The following KANSL1L variants were observed in gnomAD, a reference collection of about 807,000 sequenced individuals.
The protein encoded by KANSL1L is KAT8 regulatory NSL complex subunit 1-like protein.
KANSL1L carries 25 observed loss-of-function variants against 108.6 expected under a neutral mutation model. That is an observed-to-expected ratio of 0.23 (90% CI 0.17 to 0.32). The LOEUF (loss-of-function observed/expected upper bound fraction) is 0.32, where lower values mean the gene tolerates loss of function less well. Ranked by LOEUF, KANSL1L falls within the 10% of genes least tolerant of loss-of-function variation. The pLI is 1.00. For synonymous variants in KANSL1L, 405 were observed against 395.1 expected (o/e 1.03, Z -0.30); for missense variants, 1,137 against 1,125.7 (o/e 1.01, Z -0.14).
rs1376085762 is a variant in KANSL1L, at chr2:210,022,307, C to A, written c.*642G>T. ...CTTCTGTTGGTTAAACATGTTAAAA[C>A]AACAACAACAACAACAAAAAACTTC... On this transcript the variant is annotated 3_prime_UTR_variant, in exon 15 of 15. Transcript: ENST00000281772. 1 of 151,922 alleles carries A rather than the reference C, an allele frequency of 6.6e-6. No homozygotes were observed. The highest frequency in any genetic ancestry group is 2.4e-5 in the African/African-American group (1 of 41,282). The allele number at this position is 151,922 out of a possible 1,614,324, so 9.4% of individuals were successfully genotyped here. A position where few individuals can be genotyped will look rare whatever the true frequency, so the allele number is the denominator to read the frequency against.
chr2:210,154,422 G>C lies in KANSL1L; in HGVS notation c.161C>G (p.Pro54Arg). ...TFSQMLGFPTPEPTLNTNFVN... is the reference protein window; with the variant it reads ...TFSQMLGFPTREPTLNTNFVN... ...AAAATTAGTATTAAGAGTAGGTTCA[G>C]GAGTTGGAAATCCAAGCATCTGAGA... The change falls in exon 2 of 15, where the codon CCT (proline) becomes CGT (arginine). Residue 54 changes from proline to arginine, a missense_variant. Pro to Arg is a moderately radical substitution (Grantham distance 103). Coordinates refer to ENST00000281772, the MANE Select transcript of KANSL1L (RefSeq NM_152519.4). 6.2e-7 allele frequency: 1 copy of C among 1,613,300 alleles called. No individual in the cohort carries two copies. Among genetic ancestry groups the C allele is most frequent in the Non-Finnish European group, 8.5e-7 (1 of 1,179,606 alleles).
chr2:210,108,821 T>A (rs2094876571), intron 3 of KANSL1L, among the ~76,000 whole-genome samples: 1 of 152,172 alleles, frequency 6.6e-6, no homozygotes, highest in Non-Finnish European at 1.5e-5. Context: ...CTAGTAAGCC[T>A]AAGGTTTTAT....
chr2:210,130,404 ATATT>A (rs1311058395), intron 2 of KANSL1L, among the ~76,000 whole-genome samples: 3 of 152,206 alleles, frequency 2.0e-5, no homozygotes, highest in Non-Finnish European at 4.4e-5. Flanking sequence ...AACAGAGAAA[ATATT>A]TATTCTAAGA....
chr2:210,162,064 A>T (rs1480985910), intron 1 of KANSL1L, among the ~76,000 whole-genome samples: 6 of 110,142 alleles, frequency 5.4e-5, no homozygotes, highest in Admixed American at 1.8e-4. Context: ...GTCTCTATTT[A>T]AAAAAAAAAA....
At chr2:210,165,866 T>A (rs541963932) in intron 1 of KANSL1L, among the ~76,000 whole-genome samples, 1 of 152,160 alleles carries the variant, frequency 6.6e-6, no homozygotes, top group Non-Finnish European at 1.5e-5. Flanking sequence ...CAAAAACAGG[T>A]GAGTACAGTA....
At position 210,021,482 on chromosome 2, in the gene KANSL1L, A is replaced by C. The variant is rs535775381; in HGVS notation, c.*1467T>G. 2.0e-5 allele frequency: 3 copies of C among 152,674 alleles called. No homozygotes were observed. In the South Asian group the frequency reaches 6.2e-4, roughly 32 times the overall value. The allele number at this position is 152,674 out of a possible 1,614,324, so 9.5% of individuals were successfully genotyped here. Reference sequence around the variant, plus strand: ...GAAGATTATAATATCAGACGTGACAAAGATTTGAGTTTATTTGCCTGGACA... The same window carrying C: ...GAAGATTATAATATCAGACGTGACACAGATTTGAGTTTATTTGCCTGGACA... On this transcript the variant is annotated 3_prime_UTR_variant, in exon 15 of 15. Coordinates refer to ENST00000281772, the MANE Select transcript of KANSL1L (RefSeq NM_152519.4).
At chr2:210,092,207 T>C (rs1305316394) in intron 5 of KANSL1L, among the ~76,000 whole-genome samples, 1 of 152,176 alleles carries the variant, frequency 6.6e-6, no homozygotes, top group Non-Finnish European at 1.5e-5. Flanking sequence ...CTTTCAACAG[T>C]TCAAGTAATT....
intron 14 of KANSL1L, among the ~76,000 whole-genome samples, chr2:210,023,582 C>T (rs2093891680): frequency 6.6e-6 from 1 of 152,140 alleles, no homozygotes. Flanking sequence ...CCATTCCATT[C>T]TAGATCTAGT....
At chr2:210,145,079 T>C (rs2125606777) in intron 2 of KANSL1L, among the ~76,000 whole-genome samples, 1 of 152,312 alleles carries the variant, frequency 6.6e-6, no homozygotes. Flanking sequence ...CTCTATCAAC[T>C]GATGTTAGCA....
intron 3 of KANSL1L, among the ~76,000 whole-genome samples, chr2:210,118,510 T>C (rs1020582608): frequency 2.8e-5 from 4 of 140,708 alleles, no homozygotes; most frequent in African/African-American, 1.1e-4. Context: ...AAATAGAAAA[T>C]TTTAACAAAC....
At chr2:210,028,803 GGGAA>G (rs770800194) in intron 11 of KANSL1L, 38 bp downstream of exon 11, 18 of 1,396,482 alleles carry the variant, frequency 1.3e-5, no homozygotes, top group Non-Finnish European at 1.6e-5. Context: ...AAGTTTATTA[GGGAA>G]GGAAGGAAGA....
intron 5 of KANSL1L, among the ~76,000 whole-genome samples, chr2:210,089,284 T>G (rs1231419535): frequency 2.6e-5 from 4 of 152,206 alleles, no homozygotes; most frequent in African/African-American, 9.7e-5. Context: ...TTGAAGTCAC[T>G]AAGACACATT....
intron 3 of KANSL1L, among the ~76,000 whole-genome samples, chr2:210,110,010 T>C (rs765918848): frequency 1.3e-5 from 2 of 152,146 alleles, no homozygotes; most frequent in Non-Finnish European, 2.9e-5. Context: ...GTAATTTCTT[T>C]GGTAGAACTC....
chr2:210,171,522 G>C (rs1213219806), upstream of KANSL1L: 2 of 153,406 alleles, frequency 1.3e-5, no homozygotes, highest in South Asian at 2.0e-4. Context: ...CTGCAGAAGC[G>C]GCTCGGAGTG....
At chr2:210,024,442 T>C (rs1403007839) in intron 13 of KANSL1L, among the ~76,000 whole-genome samples, 1 of 152,170 alleles carries the variant, frequency 6.6e-6, no homozygotes. Context: ...TCTTGTTTTT[T>C]ATTTGGGTTT....
intron 6 of KANSL1L, among the ~76,000 whole-genome samples, chr2:210,067,412 T>C (rs371443187): frequency 2.6e-5 from 4 of 152,098 alleles, no homozygotes; most frequent in African/African-American, 9.7e-5. Context: ...AATAGATGTA[T>C]GTTAGTCTGG....
chr2:210,023,209 T>TAAA, intron 14 of KANSL1L, 30 bp from the exon 15 acceptor site: 1 of 1,494,878 alleles, frequency 6.7e-7, no homozygotes, highest in Non-Finnish European at 9.3e-7. Context: ...CAGTTAAGTT[T>TAAA]CAACTAACTT....
At chr2:210,024,991 C>CTGA in intron 13 of KANSL1L, 113 bp downstream of exon 13, 2 of 691,372 alleles carry the variant, frequency 2.9e-6, no homozygotes, top group Non-Finnish European at 2.7e-6. Context: ...TGCACAATAG[C>CTGA]TGATGTTACA....
intron 5 of KANSL1L, among the ~76,000 whole-genome samples, chr2:210,077,850 A>G (rs2094553193): frequency 6.6e-6 from 1 of 152,192 alleles, no homozygotes; most frequent in African/African-American, 2.4e-5. Context: ...ATGAAATGAA[A>G]GGACACAACT....
Sources: gnomAD v4.1 joint callset for allele counts (sites outside exome capture counted in the v4.1 genomes callset) on GRCh38, gnomAD v4.1.1 for gene constraint, MANE v1.5 for transcripts, NCBI Gene and HGNC (gene_info 2026-07-23, HGNC 2026-07-21) for gene names.